The following CRB1 variants were observed in gnomAD, a reference collection of about 807,000 sequenced individuals.
CRB1 encodes crumbs cell polarity complex component 1, also known as protein crumbs homolog 1.
CRB1 carries 83 observed loss-of-function variants against 120.0 expected under a neutral mutation model. That is an observed-to-expected ratio of 0.69 (90% CI 0.58 to 0.83). The LOEUF is 0.83. Ranked by LOEUF, CRB1 falls within the 40% of genes least tolerant of loss-of-function variation. The pLI is 0.00. For synonymous variants in CRB1, 625 were observed against 612.5 expected (o/e 1.02, Z -0.30); for missense variants, 1,699 against 1,687.6 (o/e 1.01, Z -0.12).
At chr1:197,222,323 G>A in the CRB1 span, 2,166 of 719,444 alleles carry the variant, frequency 3.0e-3, 24 homozygotes, top group African/African-American at 0.022. Flanking sequence ...GGCCTATACC[G>A]GGAGAGTGAA....
chr1:197,399,089 C>T (rs529054230), intron 5 of CRB1, among the ~76,000 whole-genome samples: 1 of 152,212 alleles, frequency 6.6e-6, no homozygotes, highest in East Asian at 1.9e-4. Context: ...ATTTCCAATT[C>T]ATCCTCCATG....
intron 5 of CRB1, among the ~76,000 whole-genome samples, chr1:197,359,059 A>G (rs1181608610): frequency 6.6e-6 from 1 of 152,156 alleles, no homozygotes; most frequent in African/African-American, 2.4e-5. Context: ...TGATAATAGT[A>G]TATTTATGTG....
Position 197,435,303 on chromosome 1 carries a change from CCT to C in CRB1, c.3441_3442del (p.Cys1148PhefsTer7), listed in dbSNP as rs1481850123. 2 of 1,613,706 alleles carry C rather than the reference CCT, an allele frequency of 1.2e-6. No individual in the cohort carries two copies. The highest frequency in any genetic ancestry group is 2.7e-5 in the African/African-American group (2 of 74,904). On this transcript the variant is annotated frameshift_variant, in exon 9 of 12. Coordinates refer to ENST00000367400, the MANE Select transcript of CRB1 (RefSeq NM_201253.3). LOFTEE classifies it high-confidence loss of function. ...CAGTTAAATGTCTGCAACTCCAACCCCTGTTTGCATGGAGGAAACTGTGAAGA... is the reference window on the plus strand; with the variant it reads ...CAGTTAAATGTCTGCAACTCCAACCCGTTTGCATGGAGGAAACTGTGAAGA...
At chr1:197,304,838 G>C (rs1271336188) in intron 1 of CRB1, among the ~76,000 whole-genome samples, 1 of 152,190 alleles carries the variant, frequency 6.6e-6, no homozygotes, top group South Asian at 2.1e-4. Context: ...CCATTCACCA[G>C]TGTTCATTCA....
chr1:197,423,214 A>C (rs903023368), intron 6 of CRB1, among the ~76,000 whole-genome samples: 21 of 152,192 alleles, frequency 1.4e-4, no homozygotes, highest in Admixed American at 5.9e-4. Context: ...CCATGAGGTT[A>C]ATACTGACCA....
chr1:197,288,652 C>T (rs147256692), intron 1 of CRB1, among the ~76,000 whole-genome samples: 1 of 151,832 alleles, frequency 6.6e-6, no homozygotes, highest in East Asian at 2.0e-4. Flanking sequence ...AGATTCAAAT[C>T]AAACTTATAG....
At chr1:197,333,375 G>T (rs1658974665) in intron 2 of CRB1, among the ~76,000 whole-genome samples, 1 of 152,180 alleles carries the variant, frequency 6.6e-6, no homozygotes, top group South Asian at 2.1e-4. Context: ...TTAATGAAAA[G>T]AATATTAGCT....
At chr1:197,354,361 G>A (rs878869184) in intron 4 of CRB1, among the ~76,000 whole-genome samples, 1 of 152,218 alleles carries the variant, frequency 6.6e-6, no homozygotes, top group Admixed American at 6.5e-5. Context: ...TTGGTGGGTT[G>A]TTGGTCTGAT....
intron 3 of CRB1, 103 bp from the exon 4 acceptor site, chr1:197,347,237 G>A: frequency 3.0e-6 from 3 of 1,013,220 alleles, no homozygotes; most frequent in Non-Finnish European, 4.7e-6. Context: ...GTAGTAAGAT[G>A]ATGCCATGGG....
At chr1:197,456,087 A>G (rs191716245) in intron 11 of CRB1, among the ~76,000 whole-genome samples, 4 of 152,142 alleles carry the variant, frequency 2.6e-5, no homozygotes, top group African/African-American at 9.6e-5. Flanking sequence ...TTCCCTTAAC[A>G]TTTCTTTGAT....
chr1:197,219,553 C>T, the CRB1 span, among the ~76,000 whole-genome samples: 2 of 152,222 alleles, frequency 1.3e-5, no homozygotes, highest in African/African-American at 2.4e-5. Flanking sequence ...ATTGTTCTTG[C>T]CATTTCACAG....
At chr1:197,269,269 G>A (rs531295976) in intron 1 of CRB1, among the ~76,000 whole-genome samples, 4 of 152,304 alleles carry the variant, frequency 2.6e-5, no homozygotes, top group South Asian at 4.1e-4. Flanking sequence ...AAGGCAAAGC[G>A]TAGAGCAGCT....
the CRB1 span, among the ~76,000 whole-genome samples, chr1:197,236,567 G>A: frequency 6.6e-6 from 1 of 152,196 alleles, no homozygotes; most frequent in East Asian, 1.9e-4. Context: ...AATAAGAGAG[G>A]TGAGGAGTGC....
At chr1:197,315,755 G>A (rs894814960) in intron 1 of CRB1, among the ~76,000 whole-genome samples, 1 of 152,176 alleles carries the variant, frequency 6.6e-6, no homozygotes. Flanking sequence ...TTTATTCAAA[G>A]TAACTTGCTC....
chr1:197,402,849 T>C (rs1366884589), intron 5 of CRB1, among the ~76,000 whole-genome samples: 2 of 152,202 alleles, frequency 1.3e-5, no homozygotes, highest in Admixed American at 1.3e-4. Context: ...GCAGTACCAG[T>C]TTTCCACTTT....
At chr1:197,266,390 T>A (rs746635006), upstream of CRB1, among the ~76,000 whole-genome samples, 1 of 152,044 alleles carries the variant, frequency 6.6e-6, no homozygotes, top group African/African-American at 2.4e-5. Flanking sequence ...ATAAGGGCAG[T>A]AATCCCATTC....
the CRB1 span, among the ~76,000 whole-genome samples, chr1:197,236,451 G>A: frequency 2.0e-5 from 3 of 151,982 alleles, no homozygotes; most frequent in Non-Finnish European, 4.4e-5. Flanking sequence ...CAACTGCCTC[G>A]GCCTCCCAAA....
intron 1 of CRB1, among the ~76,000 whole-genome samples, chr1:197,296,229 G>A (rs1656510059): frequency 6.6e-6 from 1 of 151,996 alleles, no homozygotes; most frequent in Non-Finnish European, 1.5e-5. Flanking sequence ...CCAGACTGCA[G>A]GCCTTGAATT....
chr1:197,217,176 C>A, the CRB1 span, among the ~76,000 whole-genome samples: 1 of 151,988 alleles, frequency 6.6e-6, no homozygotes, highest in South Asian at 2.1e-4. Context: ...AAATCAAAAT[C>A]ACAATAAAGT....
Sources: gnomAD v4.1 joint callset for allele counts (sites outside exome capture counted in the v4.1 genomes callset) on GRCh38, gnomAD v4.1.1 for gene constraint, MANE v1.5 for transcripts, NCBI Gene and HGNC (gene_info 2026-07-23, HGNC 2026-07-21) for gene names.